ARK2C: variants seen among roughly 807,000 people sequenced by gnomAD.
ARK2C encodes E3 ubiquitin-protein ligase ARK2C.
chr18:46,342,704 C>T, the ARK2C span, among the ~76,000 whole-genome samples: 8 of 152,254 alleles, frequency 5.3e-5, no homozygotes, highest in East Asian at 1.9e-4. Flanking sequence ...GATGAGGGCA[C>T]GTTTTGCATT....
chr18:46,405,661 T>A, the ARK2C span, among the ~76,000 whole-genome samples: 1 of 151,938 alleles, frequency 6.6e-6, no homozygotes, highest in African/African-American at 2.4e-5. Flanking sequence ...AGGGGTAGGG[T>A]TGGGGAGGAG....
At chr18:46,399,825 T>C in the ARK2C span, among the ~76,000 whole-genome samples, 3 of 152,316 alleles carry the variant, frequency 2.0e-5, no homozygotes, top group East Asian at 1.9e-4. Context: ...CTCTTATTCT[T>C]CTCCTTCAGG....
chr18:46,427,122 G>C, the ARK2C span, among the ~76,000 whole-genome samples: 4 of 152,240 alleles, frequency 2.6e-5, no homozygotes, highest in African/African-American at 9.6e-5. Flanking sequence ...TTCTCAGCAG[G>C]GTGCTGAGAC....
chr18:46,423,957 C>G, the ARK2C span, among the ~76,000 whole-genome samples: 1 of 152,224 alleles, frequency 6.6e-6, no homozygotes, highest in African/African-American at 2.4e-5. Context: ...CTCTTTTATC[C>G]AGTATCTCAT....
At chr18:46,385,654 T>TC in the ARK2C span, 1 of 152,048 alleles carries the variant, frequency 6.6e-6, no homozygotes, top group Non-Finnish European at 1.5e-5. Flanking sequence ...GTGTCAGCTG[T>TC]CCCCCTTTGG....
chr18:46,377,451 C>T, the ARK2C span, among the ~76,000 whole-genome samples: 4 of 152,068 alleles, frequency 2.6e-5, no homozygotes, highest in Admixed American at 6.5e-5. Flanking sequence ...TGGAGCATCC[C>T]GAGAACCCAC....
At chr18:46,413,234 C>T in the ARK2C span, among the ~76,000 whole-genome samples, 1 of 152,126 alleles carries the variant, frequency 6.6e-6, no homozygotes, top group Non-Finnish European at 1.5e-5. Flanking sequence ...TCCAAGGGTA[C>T]TGATCCTCAA....
chr18:46,380,231 C>T, the ARK2C span, among the ~76,000 whole-genome samples: 1 of 152,324 alleles, frequency 6.6e-6, no homozygotes, highest in Non-Finnish European at 1.5e-5. Flanking sequence ...CCAGTCTCCT[C>T]TCCTATGGCA....
At chr18:46,461,709 C>G in the ARK2C span, 49,648 of 148,490 alleles carry the variant, frequency 0.33, 9,778 homozygotes, top group East Asian at 0.76. Flanking sequence ...AAAAGGAGAG[C>G]AAAGAAGAAG....
chr18:46,448,956 A>C, the ARK2C span, among the ~76,000 whole-genome samples: 1 of 152,150 alleles, frequency 6.6e-6, no homozygotes, highest in African/African-American at 2.4e-5. Flanking sequence ...AGCTTGCATG[A>C]GTAATTTTTG....
the ARK2C span, among the ~76,000 whole-genome samples, chr18:46,367,353 G>A: frequency 6.6e-6 from 1 of 152,142 alleles, no homozygotes; most frequent in Non-Finnish European, 1.5e-5. Context: ...TAGGGTCTGA[G>A]CACAAATTGG....
chr18:46,368,383 C>T, the ARK2C span, among the ~76,000 whole-genome samples: 1 of 152,174 alleles, frequency 6.6e-6, no homozygotes, highest in Non-Finnish European at 1.5e-5. Flanking sequence ...CACCCTAAAC[C>T]CCCAGAACCA....
the ARK2C span, among the ~76,000 whole-genome samples, chr18:46,355,678 C>T: frequency 6.6e-6 from 1 of 152,188 alleles, no homozygotes; most frequent in Admixed American, 6.5e-5. Context: ...TCTAAGTGCC[C>T]CTGGCTGCCC....
chr18:46,405,263 C>T, the ARK2C span, among the ~76,000 whole-genome samples: 7,733 of 152,150 alleles, frequency 0.051, 745 homozygotes, highest in East Asian at 0.39. Context: ...TGAGGGCTCC[C>T]CAGAAATAGT....
the ARK2C span, among the ~76,000 whole-genome samples, chr18:46,443,497 C>CA: frequency 6.6e-6 from 1 of 152,158 alleles, no homozygotes; most frequent in African/African-American, 2.4e-5. Flanking sequence ...TATGTATGTA[C>CA]AATTACCAAA....
At chr18:46,447,363 AC>A in the ARK2C span, 2 of 605,564 alleles carry the variant, frequency 3.3e-6, no homozygotes, top group East Asian at 5.5e-5. Context: ...GCTCCTTCAG[AC>A]CTTTCAGAGT....
At chr18:46,389,723 G>A in the ARK2C span, among the ~76,000 whole-genome samples, 1 of 151,798 alleles carries the variant, frequency 6.6e-6, no homozygotes, top group South Asian at 2.1e-4. Flanking sequence ...AAGTGAAATG[G>A]TCATTTCTTT....
chr18:46,389,516 C>T, the ARK2C span, among the ~76,000 whole-genome samples: 4 of 152,262 alleles, frequency 2.6e-5, no homozygotes, highest in South Asian at 8.3e-4. Flanking sequence ...CTGATGAGAG[C>T]AGAGACAGTC....
At chr18:46,404,746 C>T in the ARK2C span, among the ~76,000 whole-genome samples, 923 of 151,650 alleles carry the variant, frequency 6.1e-3, 6 homozygotes, top group Non-Finnish European at 7.9e-3. Context: ...GAGCGAGACT[C>T]CATCTCAAAA....
Sources: allele counts gnomAD v4.1 joint callset (sites outside exome capture counted in the v4.1 genomes callset), GRCh38; gene constraint gnomAD v4.1.1; transcripts MANE v1.5; gene names NCBI Gene and HGNC (gene_info 2026-07-23, HGNC 2026-07-21).